Variants in DLG2 observed in about 807,000 individuals in gnomAD.
DLG2 encodes the protein disks large homolog 2.
DLG2 carries 45 observed loss-of-function variants against 132.5 expected under a neutral mutation model. The observed-to-expected ratio is 0.34, with a 90% CI of 0.27 to 0.44. The LOEUF (loss-of-function observed/expected upper bound fraction) is 0.44, where lower values mean the gene tolerates loss of function less well. DLG2 is among the 20% of genes least tolerant of loss of function. The pLI is 1.00. For synonymous variants in DLG2, 424 were observed against 419.6 expected, an observed-to-expected ratio of 1.01 and a Z score of -0.13; for missense variants, 1,045 against 1,196.9, an observed-to-expected ratio of 0.87 and a Z score of 1.87.
intron 8 of DLG2, among the ~76,000 whole-genome samples, chr11:84,237,021 C>T (rs773692011): frequency 6.6e-6 from 1 of 151,864 alleles, no homozygotes; most frequent in African/African-American, 2.4e-5. Context: ...CTCCGCCTCC[C>T]GGGTTCCAGC....
At position 84,928,982 on chromosome 11, in the gene DLG2, G is replaced by GTGTGTATATATATATATA. The variant is rs1400906684; in HGVS notation, c.357+182678_357+182679insTATATATATATATACACA. ...TATGTGTGTGTGTGTGTGTGTGTGT[G>GTGTGTATATATATATATA]TATATATATATATATATATATATAT... On this transcript the variant is annotated intron_variant, in intron 6 of 27. Coordinates refer to ENST00000376104, the MANE Select transcript of DLG2 (RefSeq NM_001142699.3). Among the ~76,000 whole-genome samples, 28 of 49,112 alleles carry GTGTGTATATATATATATA rather than the reference G, an allele frequency of 5.7e-4. 1 individual carries two copies. The highest frequency in any genetic ancestry group is 7.3e-4 in the East Asian group (1 of 1,374). The allele number at this position is 49,112 out of a possible 152,430, so 32.2% of individuals were successfully genotyped here. A position where few individuals can be genotyped will look rare whatever the true frequency, so the allele number is the denominator to read the frequency against.
At chr11:84,943,020 C>A (rs1286578690) in intron 6 of DLG2, among the ~76,000 whole-genome samples, 1 of 152,020 alleles carries the variant, frequency 6.6e-6, no homozygotes, top group East Asian at 1.9e-4. Flanking sequence ...ACCATTTTGT[C>A]TGATACAAGT....
At chr11:85,619,749 G>A (rs1167503347) in intron 2 of DLG2, among the ~76,000 whole-genome samples, 1 of 151,928 alleles carries the variant, frequency 6.6e-6, no homozygotes, top group African/African-American at 2.4e-5. Context: ...CAGGAGAATC[G>A]CCTGAACCCA....
intron 19 of DLG2, among the ~76,000 whole-genome samples, chr11:83,596,316 T>C (rs1594135672): frequency 6.6e-6 from 1 of 152,192 alleles, no homozygotes; most frequent in African/African-American, 2.4e-5. Flanking sequence ...GTTAATGACA[T>C]AGCCGTGTAT....
intron 6 of DLG2, among the ~76,000 whole-genome samples, chr11:84,915,113 A>T (rs2092372808): frequency 6.6e-6 from 1 of 152,142 alleles, no homozygotes; most frequent in Admixed American, 6.5e-5. Flanking sequence ...TCATTTGCAT[A>T]TTCCTAATTG....
intron 6 of DLG2, among the ~76,000 whole-genome samples, chr11:85,108,916 C>A (rs1329429899): frequency 2.0e-5 from 3 of 152,004 alleles, no homozygotes; most frequent in African/African-American, 7.2e-5. Flanking sequence ...GTACATAATA[C>A]CTAAGAAGGG....
intron 6 of DLG2, among the ~76,000 whole-genome samples, chr11:84,830,407 A>G (rs1012088502): frequency 3.3e-5 from 5 of 151,420 alleles, no homozygotes; most frequent in African/African-American, 1.2e-4. Context: ...ACTTAAAGGA[A>G]CAGGCAGAAG....
chr11:84,266,525 G>T (rs2097638694), intron 7 of DLG2, among the ~76,000 whole-genome samples: 2 of 152,132 alleles, frequency 1.3e-5, no homozygotes, highest in South Asian at 4.1e-4. Context: ...TTACTAAACA[G>T]AAATGCAAAG....
At chr11:85,401,495 C>G (rs1238408168) in intron 3 of DLG2, among the ~76,000 whole-genome samples, 2 of 152,102 alleles carry the variant, frequency 1.3e-5, no homozygotes, top group African/African-American at 4.8e-5. Context: ...CTAGGGCAAT[C>G]AGGCAGAAGA....
At chr11:83,508,753 TG>T (rs1306691051) in intron 21 of DLG2, among the ~76,000 whole-genome samples, 1 of 152,038 alleles carries the variant, frequency 6.6e-6, no homozygotes, top group Admixed American at 6.6e-5. Flanking sequence ...ATGAGAAAAC[TG>T]AGGCTTAGAG....
intron 6 of DLG2, among the ~76,000 whole-genome samples, chr11:85,068,280 T>A (rs560811849): frequency 5.7e-4 from 87 of 151,982 alleles, no homozygotes; most frequent in Middle Eastern, 3.4e-3. Flanking sequence ...TATTCAACAT[T>A]GTGTTGGAAG....
chr11:83,956,945 G>T (rs1262445009), intron 14 of DLG2, among the ~76,000 whole-genome samples: 1 of 152,164 alleles, frequency 6.6e-6, no homozygotes. Flanking sequence ...GGGGTTTGTG[G>T]TATTTGCCAG....
chr11:84,145,129 G>A (rs1446300178), intron 9 of DLG2, among the ~76,000 whole-genome samples: 1 of 152,156 alleles, frequency 6.6e-6, no homozygotes, highest in African/African-American at 2.4e-5. Flanking sequence ...AATCTACTTT[G>A]ATTAGAACAT....
intron 7 of DLG2, among the ~76,000 whole-genome samples, chr11:84,349,006 G>A (rs1037039312): frequency 6.6e-6 from 1 of 152,148 alleles, no homozygotes; most frequent in Non-Finnish European, 1.5e-5. Context: ...CATTACCATT[G>A]CTTAAGCCAC....
chr11:84,962,563 G>A (rs981191695), intron 6 of DLG2, among the ~76,000 whole-genome samples: 9 of 152,140 alleles, frequency 5.9e-5, no homozygotes, highest in African/African-American at 2.2e-4. Flanking sequence ...TCACTGATGT[G>A]TTCATGTCCC....
chr11:83,932,396 G>A (rs191194108), intron 14 of DLG2, among the ~76,000 whole-genome samples: 79 of 148,104 alleles, frequency 5.3e-4, no homozygotes, highest in Admixed American at 2.9e-3. Flanking sequence ...CACCACGCCC[G>A]GCTAATTTTT....
chr11:85,184,382 T>A (rs1235832702), intron 4 of DLG2, among the ~76,000 whole-genome samples: 1 of 151,414 alleles, frequency 6.6e-6, no homozygotes, highest in Non-Finnish European at 1.5e-5. Flanking sequence ...GTGCATAGAT[T>A]AGGAATTTCT....
intron 7 of DLG2, among the ~76,000 whole-genome samples, chr11:84,354,050 C>A (rs7122755): frequency 0.049 from 7,531 of 152,180 alleles, 622 homozygotes; most frequent in African/African-American, 0.17. Flanking sequence ...TTGTTTCTTA[C>A]TTCATTAGCA....
chr11:84,710,347 C>T (rs911755301), intron 6 of DLG2, among the ~76,000 whole-genome samples: 5 of 151,792 alleles, frequency 3.3e-5, no homozygotes, highest in African/African-American at 1.2e-4. Context: ...TATATATGCT[C>T]AAGAGAGAAC....
Sources: allele counts gnomAD v4.1 joint callset (sites outside exome capture counted in the v4.1 genomes callset), GRCh38; gene constraint gnomAD v4.1.1; transcripts MANE v1.5; gene names NCBI Gene and HGNC (gene_info 2026-07-23, HGNC 2026-07-21).